ADAMTS14: variants seen among roughly 807,000 people sequenced by gnomAD.
The protein encoded by ADAMTS14 is A disintegrin and metalloproteinase with thrombospondin motifs 14.
A neutral mutation model predicts 128.6 loss-of-function variants in ADAMTS14; 100 were observed. The ratio of observed to expected loss-of-function variants is 0.78; its 90% confidence interval spans 0.66 to 0.92. The LOEUF is 0.92. Ranked by LOEUF, ADAMTS14 falls within the 40% of genes least tolerant of loss-of-function variation. The pLI, the probability that ADAMTS14 is intolerant of heterozygous loss-of-function variation, is 0.00. For missense variants in ADAMTS14, 1,562 were observed against 1,658.6 expected, an observed-to-expected ratio of 0.94 and a Z score of 1.01; for synonymous variants, 665 against 653.8, an observed-to-expected ratio of 1.02 and a Z score of -0.26.
At chr10:70,725,188 G>A (rs539269448) in intron 4 of ADAMTS14, among the ~76,000 whole-genome samples, 18 of 152,122 alleles carry the variant, frequency 1.2e-4, no homozygotes, top group Middle Eastern at 3.4e-3. Context: ...AAGAGACTGC[G>A]GTCACTGTCC....
At chr10:70,716,964 C>T (rs894771499) in intron 4 of ADAMTS14, among the ~76,000 whole-genome samples, 7 of 152,204 alleles carry the variant, frequency 4.6e-5, no homozygotes, top group Non-Finnish European at 1.0e-4. Flanking sequence ...CCGGGCTCCC[C>T]GCTCAGCCTT....
intron 2 of ADAMTS14, among the ~76,000 whole-genome samples, chr10:70,688,604 G>A (rs1040608029): frequency 2.5e-4 from 24 of 95,350 alleles, no homozygotes; most frequent in African/African-American, 8.1e-4. Flanking sequence ...ACGAGACTCC[G>A]TCTGCAATCC....
chr10:70,695,348 G>C (rs1477235594), intron 2 of ADAMTS14, among the ~76,000 whole-genome samples: 1 of 152,104 alleles, frequency 6.6e-6, no homozygotes, highest in Admixed American at 6.5e-5. Context: ...GATTCATAAA[G>C]ACTTAAGGAC....
chr10:70,757,580 T>A (rs1202330042), intron 19 of ADAMTS14, among the ~76,000 whole-genome samples: 4 of 151,740 alleles, frequency 2.6e-5, no homozygotes, highest in Admixed American at 1.3e-4. Flanking sequence ...TTTGCTAGAG[T>A]GATACACAAA....
chr10:70,709,649 T>C (rs1233580052), intron 4 of ADAMTS14, among the ~76,000 whole-genome samples: 3 of 151,936 alleles, frequency 2.0e-5, no homozygotes, highest in African/African-American at 7.3e-5. Context: ...TACAGGCACC[T>C]GCCACCATGC....
intron 12 of ADAMTS14, among the ~76,000 whole-genome samples, chr10:70,742,197 G>T (rs1185200068): frequency 7.9e-5 from 12 of 152,132 alleles, no homozygotes; most frequent in Admixed American, 6.5e-4. Context: ...CACTCCCTTC[G>T]CACTGTTGCT....
rs141917525 is a variant in ADAMTS14, at chr10:70,677,273, A to T, written c.522+2278A>T. ...GCGGATGGTGGAGGTGGGGCTGTTC[A>T]GTGGGCCTGGGGCTGGGGATTCCTC... On this transcript the variant is annotated intron_variant, in intron 2 of 21. Coordinates refer to ENST00000373207, the MANE Select transcript of ADAMTS14 (RefSeq NM_080722.4). Among the ~76,000 whole-genome samples the T allele has an allele frequency of 8.0e-3, 1,221 of 152,196 alleles. 15 individuals carry two copies. The highest frequency in any genetic ancestry group is 0.028 in the African/African-American group (1,157 of 41,528).
chr10:70,721,653 C>T (rs376181762), intron 4 of ADAMTS14, among the ~76,000 whole-genome samples: 4 of 152,320 alleles, frequency 2.6e-5, no homozygotes, highest in African/African-American at 9.6e-5. Flanking sequence ...TTCCAAAGTG[C>T]TGGGATTACA....
intron 2 of ADAMTS14, among the ~76,000 whole-genome samples, chr10:70,685,758 A>G (rs983283311): frequency 1.3e-5 from 2 of 152,208 alleles, no homozygotes; most frequent in East Asian, 1.9e-4. Context: ...GTCCCGTGAT[A>G]TGGTAGCTGT....
chr10:70,750,077 C>T, intron 16 of ADAMTS14, 92 bp downstream of exon 16: 1 of 1,518,864 alleles, frequency 6.6e-7, no homozygotes, highest in Non-Finnish European at 8.9e-7. Flanking sequence ...TGACACCATT[C>T]TGGTGTCTTT....
intron 8 of ADAMTS14, 37 bp from the exon 9 acceptor site, chr10:70,735,132 T>C (rs1841783630): frequency 6.3e-7 from 1 of 1,595,764 alleles, no homozygotes; most frequent in Admixed American, 1.7e-5. Flanking sequence ...GACTTCCTGC[T>C]GTCAGCCTGG....
At chr10:70,730,060 T>C in intron 5 of ADAMTS14, 42 bp from the exon 6 acceptor site, 1 of 1,549,872 alleles carries the variant, frequency 6.5e-7, no homozygotes, top group Non-Finnish European at 8.7e-7. Context: ...TCTAGGGCTC[T>C]GACCCTCCAC....
At chr10:70,673,537 C>T (rs1350560051) in intron 1 of ADAMTS14, among the ~76,000 whole-genome samples, 2 of 152,144 alleles carry the variant, frequency 1.3e-5, no homozygotes, top group Admixed American at 1.3e-4. Context: ...AGGCAGGGTC[C>T]CTCCTTGTTT....
chr10:70,724,229 T>C (rs1841357471), intron 4 of ADAMTS14, among the ~76,000 whole-genome samples: 1 of 152,218 alleles, frequency 6.6e-6, no homozygotes, highest in Non-Finnish European at 1.5e-5. Context: ...CAGGTCAATA[T>C]GTGGTGCTGA....
chr10:70,703,086 G>A (rs1436874936), intron 3 of ADAMTS14, among the ~76,000 whole-genome samples: 1 of 152,214 alleles, frequency 6.6e-6, no homozygotes, highest in Admixed American at 6.5e-5. Context: ...CATGTAGTAG[G>A]TGCTGGATAA....
chr10:70,746,301 A>T (rs1842176015), intron 15 of ADAMTS14, among the ~76,000 whole-genome samples: 1 of 152,226 alleles, frequency 6.6e-6, no homozygotes, highest in African/African-American at 2.4e-5. Flanking sequence ...CATTAATATA[A>T]TATGAGTGAT....
At chr10:70,724,951 A>G (rs905544673) in intron 4 of ADAMTS14, among the ~76,000 whole-genome samples, 1 of 151,966 alleles carries the variant, frequency 6.6e-6, no homozygotes, top group Non-Finnish European at 1.5e-5. Flanking sequence ...TTTTGGGATC[A>G]TTTTCCATCT....
rs887130508 is a variant in ADAMTS14 at position 70,716,043 on chromosome 10, G to C, written c.870+7265G>C. Among the ~76,000 whole-genome samples the C allele has an allele frequency of 6.5e-4, 99 of 152,340 alleles. 2 individuals carry two copies. The highest frequency in any genetic ancestry group is 2.3e-3 in the African/African-American group (95 of 41,590). On this transcript the variant is annotated intron_variant, in intron 4 of 21. Coordinates refer to ENST00000373207, the MANE Select transcript of ADAMTS14 (RefSeq NM_080722.4). ...GACCCTTGACCTCTGACTCATGCATGACTCAAAGCTGTGGCCGGGGAACAT... is the reference window on the plus strand; with the variant it reads ...GACCCTTGACCTCTGACTCATGCATCACTCAAAGCTGTGGCCGGGGAACAT...
chr10:70,744,241 C>T (rs537005421), intron 14 of ADAMTS14, 52 bp downstream of exon 14: 307 of 1,466,292 alleles, frequency 2.1e-4, no homozygotes, highest in Non-Finnish European at 2.6e-4. Flanking sequence ...GAGTTCTTGC[C>T]GTCCCTCAGG....
Sources: gnomAD v4.1 joint callset for allele counts (sites outside exome capture counted in the v4.1 genomes callset) on GRCh38, gnomAD v4.1.1 for gene constraint, MANE v1.5 for transcripts, NCBI Gene and HGNC (gene_info 2026-07-23, HGNC 2026-07-21) for gene names.